DNAAF1: variants seen among roughly 807,000 people sequenced by gnomAD.
DNAAF1 encodes the protein dynein axonemal assembly factor 1.
A neutral mutation model predicts 71.1 loss-of-function variants in DNAAF1; 65 were observed. That is an observed-to-expected ratio of 0.91 (90% CI 0.75 to 1.12). The LOEUF (loss-of-function observed/expected upper bound fraction) is 1.12, where lower values mean the gene tolerates loss of function less well. Ranked by LOEUF, DNAAF1 falls within the 50% of genes most tolerant of loss-of-function variation. The pLI is 0.00. For synonymous variants in DNAAF1, 414 were observed against 354.6 expected (o/e 1.17, Z -1.88); for missense variants, 1,178 against 899.8 (o/e 1.31, Z -3.96).
chr16:84,148,596 C>CTCTCTCTTTTTTTT lies in DNAAF1; in HGVS notation c.125-410_125-409insCTCTCTTTTTTTTT. On this transcript the variant is annotated intron_variant, in intron 1 of 11. Transcript: ENST00000378553. The stretch of plus-strand genomic sequence containing the variant: ...AAAGATTACTGTTCTCTCTCTCTCT[C>CTCTCTCTTTTTTTT]TTTTTTTTTTTTTTTTTTGGTGAGA... Among the ~76,000 whole-genome samples the CTCTCTCTTTTTTTT allele has an allele frequency of 5.3e-4, 23 of 43,580 alleles. 2 individuals carry two copies. The highest frequency in any genetic ancestry group is 1.5e-3 in the African/African-American group (16 of 10,862). 28.6% of individuals were successfully genotyped at this position (43,580 alleles called of 152,430 possible). A position where few individuals can be genotyped will look rare whatever the true frequency, so the allele number is the denominator to read the frequency against.
In DNAAF1 at chr16:84,145,315, CT is replaced by C; in HGVS notation, c.-125del. The stretch of plus-strand genomic sequence containing the variant: ...CCGGGGAAGCGTTGGGCTGTAAAGA[CT>C]AGGGCGCCAGCGGCTGGCGAAGAAG... On this transcript the variant is annotated 5_prime_UTR_variant, in exon 1 of 12. Coordinates refer to ENST00000378553, the MANE Select transcript of DNAAF1 (RefSeq NM_178452.6). 1 of 1,490,644 alleles carries C rather than the reference CT, an allele frequency of 6.7e-7. No homozygotes were observed. 92.3% of individuals were successfully genotyped at this position (1,490,644 alleles called of 1,614,324 possible).
chr16:84,155,842 C>T (rs1475117560), intron 5 of DNAAF1, 93 bp downstream of exon 5: 18 of 1,445,260 alleles, frequency 1.2e-5, no homozygotes, highest in Non-Finnish European at 1.5e-5. Context: ...CTTTTCTCTC[C>T]TTCCTGCCTT....
At chr16:84,159,563 C>G in intron 5 of DNAAF1, 112 bp from the exon 6 acceptor site, 5 of 1,443,080 alleles carry the variant, frequency 3.5e-6, no homozygotes, top group Non-Finnish European at 4.7e-6. Flanking sequence ...ATTGGCACTT[C>G]TATTTTGCTC....
In DNAAF1 at chr16:84,145,584, G is replaced by T; in HGVS notation, c.124+20G>T. ...AGGAAGGTGCCGACTGCCCCCCAGGGAGGGCGGTGGGCGAGGGGCAGACAC... is the reference window on the plus strand; with the variant it reads ...AGGAAGGTGCCGACTGCCCCCCAGGTAGGGCGGTGGGCGAGGGGCAGACAC... On this transcript the variant is annotated intron_variant, in intron 1 of 11. Transcript: ENST00000378553. 1 of 1,543,222 alleles carries T rather than the reference G, an allele frequency of 6.5e-7. No individual in the cohort carries two copies. The highest frequency in any genetic ancestry group is 8.7e-7 in the Non-Finnish European group (1 of 1,144,812).
chr16:84,167,877 C>T (rs368144951), intron 7 of DNAAF1, among the ~76,000 whole-genome samples: 40 of 152,022 alleles, frequency 2.6e-4, no homozygotes, highest in African/African-American at 8.4e-4. Context: ...ATTAGCTGGG[C>T]GTGGTGGCAC....
At chr16:84,172,590 T>C in intron 9 of DNAAF1, 7 of 1,381,488 alleles carry the variant, frequency 5.1e-6, no homozygotes, top group Non-Finnish European at 6.6e-6. Context: ...CCCTAGGTGA[T>C]TCGTGCACAT....
At chr16:84,175,630 C>T in intron 10 of DNAAF1, 1 of 422,610 alleles carries the variant, frequency 2.4e-6, no homozygotes, top group Non-Finnish European at 4.4e-6. Context: ...AAACGGGGTT[C>T]AGGGGCATGC....
chr16:84,157,651 GA>G (rs903071193), intron 5 of DNAAF1, among the ~76,000 whole-genome samples: 2 of 151,930 alleles, frequency 1.3e-5, no homozygotes, highest in Non-Finnish European at 2.9e-5. Flanking sequence ...TGTGTACTAG[GA>G]AAAAAATACT....
At chr16:84,166,210 G>C (rs977643636) in intron 7 of DNAAF1, among the ~76,000 whole-genome samples, 2 of 151,764 alleles carry the variant, frequency 1.3e-5, no homozygotes, top group African/African-American at 4.8e-5. Context: ...GTACCACCAT[G>C]CCTGGCTAGT....
At chr16:84,172,797 G>A (rs1356706194) in intron 9 of DNAAF1, 20 of 1,067,792 alleles carry the variant, frequency 1.9e-5, no homozygotes, top group Middle Eastern at 4.5e-4. Flanking sequence ...TCCCCCCTCC[G>A]TGGACACCGC....
chr16:84,158,095 C>G (rs540610570), intron 5 of DNAAF1, among the ~76,000 whole-genome samples: 20 of 152,098 alleles, frequency 1.3e-4, no homozygotes, highest in Non-Finnish European at 2.8e-4. Flanking sequence ...GTCCCAGCTA[C>G]TCTGGTGGCT....
intron 6 of DNAAF1, 95 bp from the exon 7 acceptor site, chr16:84,165,688 C>G (rs546333666): frequency 2.4e-6 from 3 of 1,232,866 alleles, no homozygotes; most frequent in African/African-American, 1.5e-5. Context: ...CTGATGCTCA[C>G]TTTGCTTTGA....
In DNAAF1 at chr16:84,163,997, G is replaced by T. The variant is rs910684485; in HGVS notation, c.864-1786G>T. Among the ~76,000 whole-genome samples the T allele has an allele frequency of 3.3e-5, 5 of 152,058 alleles. No individual in the cohort carries two copies. In the East Asian group the frequency reaches 9.6e-4, roughly 29 times the overall value. On this transcript the variant is annotated intron_variant, in intron 6 of 11. Transcript: ENST00000378553. ...TTTTTGTGCTTTTTGTAGAGACGGG[G>T]TCTTGCCATGTTGCCCAGGCTGGTC...
intron 9 of DNAAF1, 153 bp downstream of exon 9, chr16:84,172,528 C>T: frequency 6.8e-7 from 1 of 1,470,964 alleles, no homozygotes; most frequent in Admixed American, 2.1e-5. Flanking sequence ...GAAATGCAGA[C>T]TCCCAGGCCT....
intron 4 of DNAAF1, among the ~76,000 whole-genome samples, chr16:84,155,102 G>GT (rs993424701): frequency 4.6e-5 from 7 of 152,130 alleles, no homozygotes; most frequent in African/African-American, 1.4e-4. Flanking sequence ...TAGAGACGGG[G>GT]TTTCACCGTG....
chr16:84,176,940 T>A (rs1021352144), intron 11 of DNAAF1: 1 of 167,668 alleles, frequency 6.0e-6, no homozygotes, highest in African/African-American at 2.4e-5. Context: ...CAGATGCGGT[T>A]TTGGGGAGCA....
chr16:84,176,721 C>T, intron 11 of DNAAF1: 1 of 293,230 alleles, frequency 3.4e-6, no homozygotes, highest in South Asian at 3.4e-5. Flanking sequence ...AGCGAGGTGA[C>T]AGCCACACAA....
intron 1 of DNAAF1, among the ~76,000 whole-genome samples, chr16:84,147,885 G>A (rs578211786): frequency 6.6e-6 from 1 of 152,212 alleles, no homozygotes; most frequent in South Asian, 2.1e-4. Context: ...GGCCAACATG[G>A]GGAAACCCCG....
chr16:84,167,381 C>G (rs1425744915), intron 7 of DNAAF1, among the ~76,000 whole-genome samples: 2 of 152,096 alleles, frequency 1.3e-5, no homozygotes, highest in African/African-American at 4.8e-5. Flanking sequence ...AGCTCCAGCA[C>G]GTGGGCATGA....
Sources: gnomAD v4.1 joint callset for allele counts (sites outside exome capture counted in the v4.1 genomes callset) on GRCh38, gnomAD v4.1.1 for gene constraint, MANE v1.5 for transcripts, NCBI Gene and HGNC (gene_info 2026-07-23, HGNC 2026-07-21) for gene names.